The following TMEM232 variants were observed in gnomAD, a reference collection of about 807,000 sequenced individuals.
The protein encoded by TMEM232 is transmembrane protein 232.
A neutral mutation model predicts 78.8 loss-of-function variants in TMEM232; 80 were observed. The ratio of observed to expected loss-of-function variants is 1.01; its 90% CI spans 0.85 to 1.22. The LOEUF is 1.22. TMEM232 is among the 50% of genes most tolerant of loss of function. The probability of loss-of-function intolerance (pLI) is 0.00; values close to 1 mark genes in which losing one functional copy is unlikely to be tolerated. For missense variants in TMEM232, 881 were observed against 742.2 expected (o/e 1.19, Z -2.17); for synonymous variants, 297 against 254.3 (o/e 1.17, Z -1.60).
intron 10 of TMEM232, among the ~76,000 whole-genome samples, chr5:110,589,136 C>A (rs1271500289): frequency 6.6e-6 from 1 of 151,958 alleles, no homozygotes; most frequent in African/African-American, 2.4e-5. Context: ...TATAAGTCAT[C>A]AAAAATAAAT....
At chr5:110,684,728 T>C (rs1793178858) in intron 1 of TMEM232, 2 of 152,134 alleles carry the variant, frequency 1.3e-5, no homozygotes, top group South Asian at 4.1e-4. Context: ...AATTCTATAT[T>C]TATTTATTAG....
chr5:110,643,689 AGAATTTACT>A lies in TMEM232; in HGVS notation c.126-1327_126-1319del, dbSNP rs374444856. On this transcript the variant is annotated intron_variant, in intron 2 of 13. Coordinates refer to ENST00000455884, the MANE Select transcript of TMEM232 (RefSeq NM_001039763.4). Reference sequence around the variant, plus strand: ...TTTAAATTACTGTATTTACTGAAATAGAATTTACTGAATTTGTTGCTCTGTGAGATAAAT... The same window carrying A: ...TTTAAATTACTGTATTTACTGAAATAGAATTTGTTGCTCTGTGAGATAAAT... Among the ~76,000 whole-genome samples the A allele has an allele frequency of 2.9e-3, 437 of 152,180 alleles. 1 individual carries two copies. Among genetic ancestry groups the A allele is most frequent in the African/African-American group, 0.01 (421 of 41,574 alleles).
At chr5:110,632,246 A>G (rs1396816189) in intron 5 of TMEM232, among the ~76,000 whole-genome samples, 1 of 152,140 alleles carries the variant, frequency 6.6e-6, no homozygotes, top group East Asian at 1.9e-4. Flanking sequence ...TCAGGAAAAA[A>G]TCCTCCACTG....
At chr5:110,446,417 C>T (rs1318963889) in intron 12 of TMEM232, among the ~76,000 whole-genome samples, 1 of 152,130 alleles carries the variant, frequency 6.6e-6, no homozygotes, top group African/African-American at 2.4e-5. Flanking sequence ...ATTTCTGGAC[C>T]TACTGGAATA....
chr5:110,392,844 T>C (rs187950250), intron 3 of TMEM232, among the ~76,000 whole-genome samples: 189 of 152,312 alleles, frequency 1.2e-3, no homozygotes, highest in African/African-American at 4.3e-3. Flanking sequence ...TTGGTCAGCA[T>C]AACACTCTAT....
rs535993343 is a variant in TMEM232, at chr5:110,610,905, C to A, written c.903-4618G>T. On this transcript the variant is annotated intron_variant, in intron 8 of 13. Transcript: ENST00000455884. The stretch of plus-strand genomic sequence containing the variant: ...AGCCAAGGTTCGTATATAATCTTGG[C>A]CTTACCTAAGTAATCATAAAACATA... Among the ~76,000 whole-genome samples, 209 of 152,138 alleles carry A rather than the reference C, an allele frequency of 1.4e-3. 1 individual carries two copies. The highest frequency in any genetic ancestry group is 4.9e-3 in the African/African-American group (202 of 41,496).
intron 3 of TMEM232, among the ~76,000 whole-genome samples, chr5:110,391,322 T>A (rs959540275): frequency 0.018 from 2,458 of 137,696 alleles, 68 homozygotes; most frequent in African/African-American, 0.073. Context: ...TGTGTGTGTG[T>A]GTGTGAGAGA....
chr5:110,723,350 G>T (rs775472634), intron 1 of TMEM232, among the ~76,000 whole-genome samples: 2 of 152,030 alleles, frequency 1.3e-5, no homozygotes, highest in Admixed American at 1.3e-4. Flanking sequence ...AGACAGGTGG[G>T]GCTGTGTGCT....
chr5:110,657,875 T>C (rs1201286181), intron 2 of TMEM232, among the ~76,000 whole-genome samples: 2 of 152,016 alleles, frequency 1.3e-5, no homozygotes, highest in Admixed American at 6.6e-5. Context: ...AACAAAAATA[T>C]TAAATATTGA....
chr5:110,547,323 C>T (rs1200286904), intron 11 of TMEM232, among the ~76,000 whole-genome samples: 1 of 152,080 alleles, frequency 6.6e-6, no homozygotes, highest in African/African-American at 2.4e-5. Flanking sequence ...GAAATTTTAG[C>T]TGTGAAACTC....
chr5:110,707,162 C>T (rs944040880), intron 1 of TMEM232, among the ~76,000 whole-genome samples: 2 of 152,108 alleles, frequency 1.3e-5, no homozygotes, highest in African/African-American at 2.4e-5. Context: ...CATGTGCACA[C>T]AGAAAAGCAC....
chr5:110,609,966 T>C (rs1417560768), intron 8 of TMEM232, among the ~76,000 whole-genome samples: 1 of 151,958 alleles, frequency 6.6e-6, no homozygotes, highest in African/African-American at 2.4e-5. Context: ...TTACAAGACA[T>C]TTATGCATCT....
At chr5:110,417,264 A>G (rs1355041564), downstream of TMEM232, among the ~76,000 whole-genome samples, 1 of 152,220 alleles carries the variant, frequency 6.6e-6, no homozygotes, top group Non-Finnish European at 1.5e-5. Flanking sequence ...GGTGACTAAG[A>G]GCCATGCAAG....
intron 12 of TMEM232, among the ~76,000 whole-genome samples, chr5:110,512,572 T>A (rs1767938720): frequency 6.6e-6 from 1 of 152,186 alleles, no homozygotes; most frequent in Non-Finnish European, 1.5e-5. Flanking sequence ...GCTGAGTTAC[T>A]TGGAAACATC....
At chr5:110,584,791 G>T (rs754885589) in intron 10 of TMEM232, among the ~76,000 whole-genome samples, 7 of 151,928 alleles carry the variant, frequency 4.6e-5, no homozygotes, top group Non-Finnish European at 7.4e-5. Context: ...CTGTAACAAA[G>T]AAATTTACAA....
At chr5:110,599,960 G>C (rs138980763) in intron 10 of TMEM232, among the ~76,000 whole-genome samples, 1 of 151,080 alleles carries the variant, frequency 6.6e-6, no homozygotes, top group African/African-American at 2.4e-5. Flanking sequence ...AATCATAACA[G>C]TCTCTCAGAC....
At chr5:110,546,294 G>A (rs1773774140) in intron 11 of TMEM232, among the ~76,000 whole-genome samples, 1 of 152,048 alleles carries the variant, frequency 6.6e-6, no homozygotes, top group African/African-American at 2.4e-5. Flanking sequence ...GGATAATTTA[G>A]TTAGGAATGG....
chr5:110,524,416 A>AAAGAAAGAAAG (rs200451395), intron 12 of TMEM232, among the ~76,000 whole-genome samples: 2 of 65,306 alleles, frequency 3.1e-5, no homozygotes, highest in East Asian at 1.4e-3. Context: ...AGAAAGAAAG[A>AAAGAAAGAAAG]AAAGAAAAGA....
intron 12 of TMEM232, among the ~76,000 whole-genome samples, chr5:110,506,990 TA>T (rs1207636675): frequency 1.3e-5 from 2 of 152,144 alleles, no homozygotes; most frequent in Non-Finnish European, 2.9e-5. Flanking sequence ...CAAGTGGTAC[TA>T]AAACTTTGAA....
Sources: allele counts gnomAD v4.1 joint callset (sites outside exome capture counted in the v4.1 genomes callset), GRCh38; gene constraint gnomAD v4.1.1; transcripts MANE v1.5; gene names NCBI Gene and HGNC (gene_info 2026-07-23, HGNC 2026-07-21).